RPS6KC1: variants seen among roughly 807,000 people sequenced by gnomAD.
The protein encoded by RPS6KC1 is inactive ribosomal protein S6 kinase delta-1.
RPS6KC1 carries 54 observed loss-of-function variants against 103.8 expected under a neutral mutation model. The observed-to-expected ratio is 0.52, with a 90% CI of 0.42 to 0.65. The LOEUF is 0.65. RPS6KC1 is among the 30% of genes least tolerant of loss of function. The pLI is 0.00. For missense variants in RPS6KC1, 1,151 were observed against 1,253.8 expected (o/e 0.92, Z 1.24); for synonymous variants, 439 against 438.7 (o/e 1.00, Z -0.01).
the RPS6KC1 span, among the ~76,000 whole-genome samples, chr1:213,577,151 T>C: frequency 2.6e-5 from 4 of 152,146 alleles, no homozygotes; most frequent in African/African-American, 9.7e-5. Flanking sequence ...GGAGTGGGTT[T>C]TCCTGTGCTG....
At chr1:213,582,471 C>T in the RPS6KC1 span, among the ~76,000 whole-genome samples, 2 of 152,136 alleles carry the variant, frequency 1.3e-5, no homozygotes, top group East Asian at 3.9e-4. Context: ...CCTCTGTCAC[C>T]AGGATCACAT....
At chr1:213,632,407 C>T in the RPS6KC1 span, among the ~76,000 whole-genome samples, 2 of 152,188 alleles carry the variant, frequency 1.3e-5, no homozygotes, top group Non-Finnish European at 2.9e-5. Context: ...CAAACGGGGT[C>T]TGGAGTGGAC....
At chr1:213,787,603 G>A in the RPS6KC1 span, among the ~76,000 whole-genome samples, 3 of 152,140 alleles carry the variant, frequency 2.0e-5, no homozygotes, top group East Asian at 1.9e-4. Context: ...GAGGGACAGG[G>A]AAGAGTCAAA....
chr1:213,750,597 G>A, the RPS6KC1 span, among the ~76,000 whole-genome samples: 1 of 152,188 alleles, frequency 6.6e-6, no homozygotes, highest in Non-Finnish European at 1.5e-5. Flanking sequence ...CGAGGCATTA[G>A]AGGGATGATG....
intron 3 of RPS6KC1, among the ~76,000 whole-genome samples, chr1:213,093,247 GT>G (rs1261442843): frequency 6.7e-6 from 1 of 148,822 alleles, no homozygotes; most frequent in Non-Finnish European, 1.5e-5. Flanking sequence ...GTCTCGCTCT[GT>G]CACCCAGGCT....
At chr1:213,058,009 C>T (rs1433677553) in intron 1 of RPS6KC1, among the ~76,000 whole-genome samples, 2 of 148,222 alleles carry the variant, frequency 1.3e-5, no homozygotes, top group African/African-American at 5.0e-5. Flanking sequence ...CTCAAGCAAT[C>T]TGCCTGTCTT....
chr1:213,531,402 C>T, the RPS6KC1 span, among the ~76,000 whole-genome samples: 4 of 152,192 alleles, frequency 2.6e-5, no homozygotes, highest in East Asian at 3.9e-4. Context: ...TCAGGCACCA[C>T]CCTAGGCACT....
At chr1:213,762,720 G>A in the RPS6KC1 span, among the ~76,000 whole-genome samples, 1 of 152,088 alleles carries the variant, frequency 6.6e-6, no homozygotes, top group East Asian at 1.9e-4. Context: ...TTAATTGTAT[G>A]CTATTAACAA....
chr1:213,463,956 G>A, the RPS6KC1 span, among the ~76,000 whole-genome samples: 1 of 152,174 alleles, frequency 6.6e-6, no homozygotes, highest in East Asian at 1.9e-4. Flanking sequence ...TGATTTGGGA[G>A]ATGTCTACTG....
At chr1:213,711,614 C>A in the RPS6KC1 span, among the ~76,000 whole-genome samples, 1 of 152,088 alleles carries the variant, frequency 6.6e-6, no homozygotes, top group Non-Finnish European at 1.5e-5. Context: ...AATTTTCACC[C>A]TTTTTGTGCT....
At chr1:213,101,289 T>C (rs1237272824) in intron 3 of RPS6KC1, among the ~76,000 whole-genome samples, 2 of 152,220 alleles carry the variant, frequency 1.3e-5, no homozygotes, top group African/African-American at 4.8e-5. Flanking sequence ...CTGTTGTTAT[T>C]CTGAAGTATT....
the RPS6KC1 span, among the ~76,000 whole-genome samples, chr1:213,504,087 A>G: frequency 6.6e-6 from 1 of 152,184 alleles, no homozygotes; most frequent in Non-Finnish European, 1.5e-5. Context: ...TATATATAGA[A>G]CGGTTTTCAC....
At chr1:213,400,696 C>G in the RPS6KC1 span, among the ~76,000 whole-genome samples, 1 of 151,546 alleles carries the variant, frequency 6.6e-6, no homozygotes, top group Admixed American at 6.6e-5. Context: ...TCTTGCCTGC[C>G]TTTTTTCTTT....
At chr1:213,620,095 T>G in the RPS6KC1 span, among the ~76,000 whole-genome samples, 1 of 152,254 alleles carries the variant, frequency 6.6e-6, no homozygotes. Context: ...TGTCCTGATG[T>G]TCTGTTAGGT....
In RPS6KC1 at chr1:213,242,002, A is replaced by G. The variant is rs2094366779; in HGVS notation, c.2526A>G (p.Glu842=). ...IASTDTLKTE[E]VLLFTDQTDD... The stretch of plus-strand genomic sequence containing the variant: ...GCACAGACACTTTAAAAACAGAAGA[A>G]GTATTGCTGTTTACAGATCAGACTG... The change falls in exon 11 of 15, where the codon GAA becomes GAG. Residue 842 remains glutamate, a synonymous_variant. Coordinates refer to ENST00000366960, the MANE Select transcript of RPS6KC1 (RefSeq NM_012424.6). 6.2e-7 allele frequency: 1 copy of G among 1,614,058 alleles called. No individual in the cohort carries two copies. Among genetic ancestry groups the G allele is most frequent in the Non-Finnish European group, 8.5e-7 (1 of 1,179,950 alleles).
At chr1:213,146,279 A>G (rs1405331238) in intron 6 of RPS6KC1, among the ~76,000 whole-genome samples, 1 of 151,194 alleles carries the variant, frequency 6.6e-6, no homozygotes, top group Non-Finnish European at 1.5e-5. Context: ...TTTTTTCTCT[A>G]TCTGTTCATC....
the RPS6KC1 span, among the ~76,000 whole-genome samples, chr1:213,829,515 C>T: frequency 6.6e-6 from 1 of 152,138 alleles, no homozygotes. Context: ...CCACCTCTTC[C>T]CAAAAGTCCA....
the RPS6KC1 span, among the ~76,000 whole-genome samples, chr1:213,327,599 A>T: frequency 6.6e-6 from 1 of 152,046 alleles, no homozygotes; most frequent in East Asian, 1.9e-4. Flanking sequence ...GTGTGTGTGC[A>T]TGTGTATGTG....
chr1:213,420,243 C>T, the RPS6KC1 span, among the ~76,000 whole-genome samples: 1 of 152,172 alleles, frequency 6.6e-6, no homozygotes, highest in Non-Finnish European at 1.5e-5. Context: ...AACCCATGTG[C>T]TGAAACTATA....
Sources: gnomAD v4.1 joint callset for allele counts (sites outside exome capture counted in the v4.1 genomes callset) on GRCh38, gnomAD v4.1.1 for gene constraint, MANE v1.5 for transcripts, NCBI Gene and HGNC (gene_info 2026-07-23, HGNC 2026-07-21) for gene names.